Variants in QSOX2 observed in about 807,000 individuals in gnomAD.
QSOX2 encodes sulfhydryl oxidase 2.
A neutral mutation model predicts 61.7 loss-of-function variants in QSOX2; 46 were observed. The ratio of observed to expected loss-of-function variants is 0.75; its 90% CI spans 0.59 to 0.95. QSOX2 has a LOEUF of 0.95. Ranked by LOEUF, QSOX2 falls within the 40% of genes least tolerant of loss-of-function variation. The pLI, the probability that QSOX2 is intolerant of heterozygous loss-of-function variation, is 0.00. For synonymous variants in QSOX2, 383 were observed against 388.4 expected, an observed-to-expected ratio of 0.99 and a Z score of 0.16; for missense variants, 879 against 918.9, an observed-to-expected ratio of 0.96 and a Z score of 0.56.
chr9:136,214,919 C>T (rs1831890192), intron 10 of QSOX2, among the ~76,000 whole-genome samples: 1 of 152,230 alleles, frequency 6.6e-6, no homozygotes, highest in Admixed American at 6.5e-5. Context: ...TGGTTTATTT[C>T]CTGCACGTTA....
chr9:136,224,561 T>G (rs567808108), intron 3 of QSOX2, among the ~76,000 whole-genome samples: 1 of 152,326 alleles, frequency 6.6e-6, no homozygotes, highest in South Asian at 2.1e-4. Context: ...GTGGGATCAT[T>G]TGTAAAAATT....
At position 136,223,666 on chromosome 9, in the gene QSOX2, C is replaced by A; in HGVS notation, c.675+97G>T. On this transcript the variant is annotated intron_variant, in intron 5 of 11. Transcript: ENST00000358701. This position sits in a 1 kb window ranked among gnomAD's most constrained non-coding sequence, Gnocchi z 4.4. The stretch of plus-strand genomic sequence containing the variant: ...AAAGCCACAGACAGGACACGAGATG[C>A]CGACACAGTGACCGGCACCTGCAAA... The A allele has an allele frequency of 1.1e-6, 1 of 889,196 alleles. No individual in the cohort carries two copies. The highest frequency in any genetic ancestry group is 1.8e-6 in the Non-Finnish European group (1 of 560,882). The allele number at this position is 889,196 out of a possible 1,614,324, so 55.1% of individuals were successfully genotyped here.
At chr9:136,231,176 G>A (rs371694101) in intron 1 of QSOX2, among the ~76,000 whole-genome samples, 10 of 152,184 alleles carry the variant, frequency 6.6e-5, no homozygotes, top group African/African-American at 1.9e-4. Flanking sequence ...CACAGAGGCC[G>A]AGGAAGGCTC....
chr9:136,215,836 G>A (rs920038217), intron 9 of QSOX2, among the ~76,000 whole-genome samples: 11 of 152,166 alleles, frequency 7.2e-5, no homozygotes, highest in Non-Finnish European at 1.5e-4. Context: ...CCTCCCTAAG[G>A]ACTCCTGAGC....
intron 1 of QSOX2, among the ~76,000 whole-genome samples, chr9:136,235,840 A>G (rs1051373771): frequency 1.1e-4 from 17 of 152,222 alleles, no homozygotes; most frequent in Admixed American, 1.1e-3. Context: ...CCGGGCACAC[A>G]GAAAGGCATG....
Position 136,208,737 on chromosome 9 carries a change from C to T in QSOX2, c.2088G>A (p.Pro696=), listed in dbSNP as rs770863714. Reference sequence around the variant, plus strand: ...GGCAGCACCCGGGCACTCACACGGCCGGGTGGTGGTGCTTGACCTTCCACC... The same window carrying T: ...GGCAGCACCCGGGCACTCACACGGCTGGGTGGTGGTGCTTGACCTTCCACC... The part of the protein sequence containing the change: ...SRRWKVKHHH[P]AV The change falls in exon 12 of 12, where the codon CCG becomes CCA. Residue 696 remains proline (P), a synonymous_variant. Transcript: ENST00000358701. 5.1e-5 allele frequency: 82 copies of T among 1,606,334 alleles called. No homozygotes were observed. Among genetic ancestry groups the T allele is most frequent in the Middle Eastern group, 1.7e-4 (1 of 6,046 alleles).
intron 1 of QSOX2, among the ~76,000 whole-genome samples, chr9:136,233,473 A>C (rs1430393222): frequency 3.3e-5 from 5 of 152,240 alleles, no homozygotes; most frequent in Non-Finnish European, 7.3e-5. Context: ...ACGGTGGCAG[A>C]GAACCTCACA....
intron 1 of QSOX2, among the ~76,000 whole-genome samples, chr9:136,238,252 C>G (rs114272025): frequency 0.011 from 1,609 of 152,352 alleles, 21 homozygotes; most frequent in Middle Eastern, 0.037. Context: ...GACGGGGAAA[C>G]TGATCAGCCA....
intron 7 of QSOX2, 73 bp downstream of exon 7, chr9:136,218,957 C>A (rs1038040926): frequency 4.4e-6 from 7 of 1,585,670 alleles, no homozygotes; most frequent in African/African-American, 2.7e-5. Flanking sequence ...CTGAGTAAAC[C>A]CGCCCTGCAA....
rs1443355463 is a variant in QSOX2, at chr9:136,223,566, T to A, written c.675+197A>T. On this transcript the variant is annotated intron_variant, in intron 5 of 11. Coordinates refer to ENST00000358701, the MANE Select transcript of QSOX2 (RefSeq NM_181701.4). This position sits in a 1 kb window ranked among gnomAD's most constrained non-coding sequence, Gnocchi z 4.4. ...CCCCTCCCACCGCCAAGCTCATTCA[T>A]CCTAACAGTCTTCTCCAGACACCAG... is the stretch of plus-strand genomic sequence containing the variant. Among the ~76,000 whole-genome samples the A allele has an allele frequency of 1.3e-5, 2 of 152,124 alleles. No individual in the cohort carries two copies. The highest frequency in any genetic ancestry group is 2.9e-5 in the Non-Finnish European group (2 of 68,012).
chr9:136,226,483 C>A (rs1830282404), intron 2 of QSOX2, among the ~76,000 whole-genome samples: 1 of 152,190 alleles, frequency 6.6e-6, no homozygotes, highest in Non-Finnish European at 1.5e-5. Context: ...CGCCCCCTGG[C>A]CGTGCAGGCT....
chr9:136,215,031 C>T (rs560009906), intron 10 of QSOX2, 123 bp downstream of exon 10: 178 of 1,204,246 alleles, frequency 1.5e-4, no homozygotes, highest in Non-Finnish European at 1.8e-4. Context: ...GTGCCATTCC[C>T]CTGCCTCAGT....
chr9:136,227,324 G>A (rs921261372), intron 1 of QSOX2, among the ~76,000 whole-genome samples: 1 of 152,184 alleles, frequency 6.6e-6, no homozygotes, highest in Non-Finnish European at 1.5e-5. Context: ...GGCAGCATCT[G>A]AGCAGGGTCT....
intron 1 of QSOX2, among the ~76,000 whole-genome samples, chr9:136,230,674 T>C (rs1426144699): frequency 6.6e-6 from 1 of 152,268 alleles, no homozygotes; most frequent in African/African-American, 2.4e-5. Flanking sequence ...TGGTTGTTTC[T>C]ACCTGTTACT....
intron 11 of QSOX2, chr9:136,210,423 G>C (rs900771857): frequency 1.0e-6 from 1 of 985,446 alleles, no homozygotes; most frequent in Non-Finnish European, 1.2e-6. Flanking sequence ...TCCAGGTCCA[G>C]GCAGGCCTGG....
rs373313733 is a variant in QSOX2, at chr9:136,241,044, TCAA to T, written c.328+4429_328+4431del. Among the ~76,000 whole-genome samples, 77 of 150,528 alleles carry T rather than the reference TCAA, an allele frequency of 5.1e-4. 1 individual carries two copies. In the East Asian group the frequency reaches 0.012, roughly 24 times the overall value. On this transcript the variant is annotated intron_variant, in intron 1 of 11. Coordinates refer to ENST00000358701, the MANE Select transcript of QSOX2 (RefSeq NM_181701.4). Reference sequence around the variant, plus strand: ...TCTTAGCAAACCATCCCGTCTTACTTCAACAACAAGTAAGTGGCCTGGGTCTCT... The same window carrying T: ...TCTTAGCAAACCATCCCGTCTTACTTCAACAAGTAAGTGGCCTGGGTCTCT...
At chr9:136,213,022 A>G (rs1831866718) in intron 10 of QSOX2, among the ~76,000 whole-genome samples, 1 of 152,130 alleles carries the variant, frequency 6.6e-6, no homozygotes, top group South Asian at 2.1e-4. Context: ...TGGTCCTAGA[A>G]GAGTTTAAAA....
intron 8 of QSOX2, 55 bp from the exon 9 acceptor site, chr9:136,216,777 C>T: frequency 1.2e-6 from 2 of 1,601,896 alleles, no homozygotes; most frequent in East Asian, 2.2e-5. Flanking sequence ...GGCCCGCCCC[C>T]ACCGCGGGGG....
intron 6 of QSOX2, among the ~76,000 whole-genome samples, chr9:136,219,604 C>A (rs1203129246): frequency 6.6e-6 from 1 of 152,124 alleles, no homozygotes; most frequent in East Asian, 1.9e-4. Context: ...TGATGTCAGG[C>A]CCCTGAGCTC....
Sources: gnomAD v4.1 joint callset for allele counts (sites outside exome capture counted in the v4.1 genomes callset) on GRCh38, gnomAD v4.1.1 for gene constraint, Gnocchi (gnomAD v3.1) non-coding constraint, MANE v1.5 for transcripts, NCBI Gene and HGNC (gene_info 2026-07-23, HGNC 2026-07-21) for gene names.